Variants in PARD3B observed in about 807,000 individuals in gnomAD.
PARD3B encodes partitioning defective 3 homolog B.
In PARD3B, 103 loss-of-function variants were observed where a neutral mutation model predicts 130.2. The observed-to-expected ratio is 0.79, with a 90% CI of 0.67 to 0.93. The LOEUF (loss-of-function observed/expected upper bound fraction) is 0.93, where lower values mean the gene tolerates loss of function less well. Ranked by LOEUF, PARD3B falls within the 40% of genes least tolerant of loss-of-function variation. PARD3B has a pLI of 0.00. For missense variants in PARD3B, 1,609 were observed against 1,499.2 expected (o/e 1.07, Z -1.21); for synonymous variants, 583 against 553.2 (o/e 1.05, Z -0.76).
At chr2:205,580,446 T>A (rs1035162) in intron 22 of PARD3B, among the ~76,000 whole-genome samples, 151,997 of 152,268 alleles carry the variant, frequency 1, 75,863 homozygotes, top group Middle Eastern at 1. Context: ...GTGACACTGT[T>A]ACAGGAGGGC....
chr2:205,189,062 C>G (rs2125795016), intron 14 of PARD3B, among the ~76,000 whole-genome samples: 1 of 152,242 alleles, frequency 6.6e-6, no homozygotes, highest in Admixed American at 6.5e-5. Context: ...AGAGTTGAAG[C>G]TAAATCAGCA....
intron 20 of PARD3B, among the ~76,000 whole-genome samples, chr2:205,489,994 G>A (rs1340574013): frequency 6.6e-6 from 1 of 152,124 alleles, no homozygotes; most frequent in Non-Finnish European, 1.5e-5. Flanking sequence ...CAATCACATA[G>A]GAGGAAGTTG....
At chr2:204,899,784 T>A (rs35567149) in intron 2 of PARD3B, among the ~76,000 whole-genome samples, 30,674 of 152,182 alleles carry the variant, frequency 0.2, 3,646 homozygotes, top group Non-Finnish European at 0.27. Flanking sequence ...TTAGTGTTTC[T>A]TGTAGGACAG....
chr2:205,063,332 AAAAAT>A (rs1367104210), intron 4 of PARD3B, among the ~76,000 whole-genome samples: 1 of 151,954 alleles, frequency 6.6e-6, no homozygotes, highest in Non-Finnish European at 1.5e-5. Context: ...AAAAATATAA[AAAAAT>A]AAAATTTTAT....
chr2:204,893,109 G>C (rs1343902229), intron 2 of PARD3B, among the ~76,000 whole-genome samples: 1 of 152,152 alleles, frequency 6.6e-6, no homozygotes, highest in Non-Finnish European at 1.5e-5. Context: ...TTGGGAAAAT[G>C]CAAGAACTGG....
chr2:204,652,008 G>A (rs1473683472), intron 1 of PARD3B, among the ~76,000 whole-genome samples: 1 of 152,142 alleles, frequency 6.6e-6, no homozygotes, highest in Non-Finnish European at 1.5e-5. Context: ...CCCTGGACCT[G>A]GCCCATGAAA....
In PARD3B at chr2:205,492,205, C is replaced by T. The variant is rs536032130; in HGVS notation, c.3045-7691C>T. Among the ~76,000 whole-genome samples, 22 of 152,300 alleles carry T rather than the reference C, an allele frequency of 1.4e-4. No homozygotes were observed. In the East Asian group the frequency reaches 4.2e-3, roughly 29 times the overall value. On this transcript the variant is annotated intron_variant, in intron 20 of 22. Transcript: ENST00000406610. ...TTAAGATGCTGAAGCATTGTTTCCT[C>T]ACCTACTAAGAGGTATCATGTCAGA...
rs1222748484 is a variant in PARD3B at position 205,584,405 on chromosome 2, C to A, written c.3260+31002C>A. On this transcript the variant is annotated intron_variant, in intron 22 of 22. Transcript: ENST00000406610. This position sits in a 1 kb window ranked among gnomAD's most constrained non-coding sequence, Gnocchi z 5.5. ...TAAATTATGTATGCGAGGCCGGACA[C>A]GATAGCTCATGCTTACAATCCCAGC... Among the ~76,000 whole-genome samples, 1 of 152,110 alleles carries A rather than the reference C, an allele frequency of 6.6e-6. No individual in the cohort carries two copies. The highest frequency in any genetic ancestry group is 2.4e-5 in the African/African-American group (1 of 41,416).
At chr2:205,538,608 CTCTCTTTCTGTCTATCTG>C (rs2051976014) in intron 21 of PARD3B, among the ~76,000 whole-genome samples, 1 of 152,074 alleles carries the variant, frequency 6.6e-6, no homozygotes, top group Non-Finnish European at 1.5e-5. Context: ...CTATAATTCC[CTCTCTTTCTGTCTATCTG>C]TCTCTCCTTT....
intron 20 of PARD3B, among the ~76,000 whole-genome samples, chr2:205,447,480 C>T (rs945054246): frequency 3.9e-5 from 6 of 152,312 alleles, no homozygotes; most frequent in Non-Finnish European, 7.4e-5. Context: ...TGGATTCAAG[C>T]GATTCCCTTG....
intron 2 of PARD3B, among the ~76,000 whole-genome samples, chr2:204,686,576 C>T (rs1168144588): frequency 6.6e-6 from 1 of 152,134 alleles, no homozygotes; most frequent in African/African-American, 2.4e-5. Context: ...TCATCATTGT[C>T]GTTGCTGGCT....
At chr2:205,226,336 G>A (rs184225466) in intron 15 of PARD3B, among the ~76,000 whole-genome samples, 125 of 152,260 alleles carry the variant, frequency 8.2e-4, no homozygotes, top group Non-Finnish European at 8.4e-4. Flanking sequence ...CACCACGCCC[G>A]GCCAAAAAAG....
intron 21 of PARD3B, among the ~76,000 whole-genome samples, chr2:205,539,610 AC>A (rs34274800): frequency 0.4 from 61,019 of 151,690 alleles, 14,727 homozygotes; most frequent in Middle Eastern, 0.64. Context: ...ACAACTGATG[AC>A]CAGCTGTTTT....
intron 2 of PARD3B, among the ~76,000 whole-genome samples, chr2:204,860,638 T>C (rs1246207679): frequency 6.6e-6 from 1 of 152,214 alleles, no homozygotes; most frequent in Non-Finnish European, 1.5e-5. Flanking sequence ...GTTGTTGTTA[T>C]TAAGTTTCCT....
chr2:204,663,795 A>G (rs1024380489), intron 1 of PARD3B, among the ~76,000 whole-genome samples: 20 of 152,346 alleles, frequency 1.3e-4, no homozygotes, highest in African/African-American at 4.3e-4. Flanking sequence ...TTTAAAAATC[A>G]TAATTTATAA....
chr2:205,359,234 G>T (rs997688647), intron 18 of PARD3B, among the ~76,000 whole-genome samples: 26 of 152,096 alleles, frequency 1.7e-4, no homozygotes, highest in African/African-American at 6.3e-4. Context: ...AGATTAAATT[G>T]TCAGCAAGTT....
rs1458590895 is a variant in PARD3B at position 204,754,244 on chromosome 2, C to T, written c.222+67962C>T. 3.9e-5 allele frequency among the ~76,000 whole-genome samples: 6 copies of T among 152,140 alleles called. No individual in the cohort carries two copies. The South Asian group carries it at 1.0e-3, about 26-fold the overall frequency. On this transcript the variant is annotated intron_variant, in intron 2 of 22. Transcript: ENST00000406610. The stretch of plus-strand genomic sequence containing the variant: ...ATTTGGTTGGTAGGGATGAAAAGAA[C>T]GTTGAGACAGCTTTGTTCACATACA...
chr2:205,236,849 T>G (rs2039084320), intron 15 of PARD3B, among the ~76,000 whole-genome samples: 1 of 152,098 alleles, frequency 6.6e-6, no homozygotes, highest in Non-Finnish European at 1.5e-5. Context: ...AAAAAATACT[T>G]GATAGAATCT....
intron 1 of PARD3B, among the ~76,000 whole-genome samples, chr2:204,575,612 G>A (rs997542042): frequency 1.3e-5 from 2 of 152,182 alleles, no homozygotes; most frequent in Admixed American, 1.3e-4. Context: ...TGCGTGTGGT[G>A]TCATCTCTGC....
Sources: gnomAD v4.1 joint callset for allele counts (sites outside exome capture counted in the v4.1 genomes callset) on GRCh38, gnomAD v4.1.1 for gene constraint, Gnocchi (gnomAD v3.1) non-coding constraint, MANE v1.5 for transcripts, NCBI Gene and HGNC (gene_info 2026-07-23, HGNC 2026-07-21) for gene names.